The following FBXW10B variants were observed in gnomAD, a reference collection of about 807,000 sequenced individuals.
FBXW10B encodes the protein F-box and WD repeat domain containing 10B, also known as F-box and WD repeat domain containing protein 10B.
the FBXW10B span, among the ~76,000 whole-genome samples, chr17:15,612,224 CG>C: frequency 1.9e-4 from 29 of 151,996 alleles, no homozygotes; most frequent in Non-Finnish European, 3.8e-4. Flanking sequence ...GAGGAAGTGT[CG>C]GGCTGGGCGC....
At chr17:15,595,017 G>A in the FBXW10B span, 2 of 1,381,180 alleles carry the variant, frequency 1.4e-6, no homozygotes, top group Non-Finnish European at 2.0e-6. Flanking sequence ...CACTCGGTAG[G>A]TACCTGAGCT....
the FBXW10B span, among the ~76,000 whole-genome samples, chr17:15,605,641 A>G: frequency 6.6e-6 from 1 of 152,182 alleles, no homozygotes; most frequent in Non-Finnish European, 1.5e-5. Flanking sequence ...AAATTTAAAA[A>G]CTAGAGACAC....
the FBXW10B span, among the ~76,000 whole-genome samples, chr17:15,582,562 A>G: frequency 6.6e-6 from 1 of 151,286 alleles, no homozygotes; most frequent in Non-Finnish European, 1.5e-5. Flanking sequence ...AGAGTCCTTT[A>G]CTTTTTTTTT....
chr17:15,573,741 A>C, the FBXW10B span: 7 of 166,562 alleles, frequency 4.2e-5, no homozygotes, highest in Admixed American at 4.2e-4. Context: ...TGATGGAGAA[A>C]GTGACCTTGA....
chr17:15,616,191 T>G, the FBXW10B span, among the ~76,000 whole-genome samples: 1 of 151,986 alleles, frequency 6.6e-6, no homozygotes, highest in African/African-American at 2.4e-5. Context: ...TTTTGGTTTT[T>G]GAGACTGAGT....
chr17:15,615,523 C>T, the FBXW10B span: 5 of 1,474,190 alleles, frequency 3.4e-6, no homozygotes, highest in East Asian at 1.2e-4. Context: ...CCATGTTAGC[C>T]AGGATGGTCT....
At chr17:15,595,821 G>A in the FBXW10B span, among the ~76,000 whole-genome samples, 3 of 152,004 alleles carry the variant, frequency 2.0e-5, no homozygotes, top group East Asian at 5.8e-4. Flanking sequence ...TCATTAGAGA[G>A]CATGGAGAAA....
At chr17:15,589,101 G>A in the FBXW10B span, 2 of 1,554,120 alleles carry the variant, frequency 1.3e-6, no homozygotes, top group African/African-American at 1.4e-5. Context: ...GTCCTGCGAT[G>A]TGGAGTCTCA....
At chr17:15,582,996 TG>T in the FBXW10B span, among the ~76,000 whole-genome samples, 104,704 of 140,236 alleles carry the variant, frequency 0.75, 40,455 homozygotes, top group Middle Eastern at 0.86. Context: ...GAGCCTCTCT[TG>T]GTGAGGTGAA....
chr17:15,603,735 C>T, the FBXW10B span, among the ~76,000 whole-genome samples: 1 of 146,664 alleles, frequency 6.8e-6, no homozygotes, highest in East Asian at 2.1e-4. Flanking sequence ...CCAGGGGACA[C>T]ATCCAAGACC....
chr17:15,584,003 T>G, the FBXW10B span, among the ~76,000 whole-genome samples: 1 of 149,964 alleles, frequency 6.7e-6, no homozygotes, highest in Non-Finnish European at 1.5e-5. Flanking sequence ...GGAGTGTAAA[T>G]TTGTGCAAAC....
At chr17:15,585,705 T>C in the FBXW10B span, among the ~76,000 whole-genome samples, 1 of 152,318 alleles carries the variant, frequency 6.6e-6, no homozygotes, top group East Asian at 1.9e-4. Flanking sequence ...TGCTAATTTT[T>C]TTCAAAACAC....
At chr17:15,592,976 C>T in the FBXW10B span, among the ~76,000 whole-genome samples, 4 of 147,648 alleles carry the variant, frequency 2.7e-5, no homozygotes, top group South Asian at 2.3e-4. Flanking sequence ...TACTGGTGGG[C>T]GCCTGTAATC....
the FBXW10B span, among the ~76,000 whole-genome samples, chr17:15,613,294 G>C: frequency 3.3e-5 from 5 of 149,276 alleles, no homozygotes; most frequent in African/African-American, 1.3e-4. Context: ...CACATTTATG[G>C]CTTTCTTGCT....
the FBXW10B span, among the ~76,000 whole-genome samples, chr17:15,595,102 G>A: frequency 6.6e-6 from 1 of 152,208 alleles, no homozygotes; most frequent in Admixed American, 6.5e-5. Flanking sequence ...AGCACTTTGG[G>A]AGGCCGAGGC....
At chr17:15,603,713 T>C in the FBXW10B span, among the ~76,000 whole-genome samples, 1 of 147,308 alleles carries the variant, frequency 6.8e-6, no homozygotes, top group South Asian at 2.3e-4. Context: ...AAAAAACTCA[T>C]GCACATGGGC....
chr17:15,577,404 A>T, the FBXW10B span, among the ~76,000 whole-genome samples: 1 of 152,198 alleles, frequency 6.6e-6, no homozygotes, highest in Non-Finnish European at 1.5e-5. Context: ...TTCTCTCATC[A>T]TGAGAAAAAA....
chr17:15,580,775 T>G, the FBXW10B span, among the ~76,000 whole-genome samples: 757 of 151,536 alleles, frequency 5.0e-3, 5 homozygotes, highest in African/African-American at 0.017. Flanking sequence ...CTTGCTGTTT[T>G]GTTCACTGCT....
chr17:15,578,964 A>C, the FBXW10B span, among the ~76,000 whole-genome samples: 5 of 151,902 alleles, frequency 3.3e-5, no homozygotes, highest in African/African-American at 1.2e-4. Context: ...AGCTTTCAAA[A>C]CTCATTCAGT....
Sources: gnomAD v4.1 joint callset for allele counts (sites outside exome capture counted in the v4.1 genomes callset) on GRCh38, gnomAD v4.1.1 for gene constraint, MANE v1.5 for transcripts, NCBI Gene and HGNC (gene_info 2026-07-23, HGNC 2026-07-21) for gene names.